Variants in SH3PXD2A observed in about 807,000 individuals in gnomAD.
The protein encoded by SH3PXD2A is SH3 and PX domains 2A.
Under a neutral mutation model 115.2 loss-of-function variants are expected in SH3PXD2A, and 32 were observed. The observed-to-expected ratio is 0.28, with a 90% confidence interval of 0.21 to 0.37. The LOEUF is 0.37. Among genes scored for constraint, SH3PXD2A ranks in the 10% least tolerant of loss-of-function variants. The probability of loss-of-function intolerance (pLI) is 1.00; values close to 1 mark genes in which losing one functional copy is unlikely to be tolerated. For missense variants in SH3PXD2A, 1,328 were observed against 1,498.7 expected (o/e 0.89, Z 1.88); for synonymous variants, 610 against 629.1 (o/e 0.97, Z 0.45).
At chr10:103,693,144 C>A (rs2037780014) in intron 5 of SH3PXD2A, 88 bp from the exon 6 acceptor site, 3 of 1,122,250 alleles carry the variant, frequency 2.7e-6, no homozygotes, top group African/African-American at 1.6e-5. Context: ...GGGCTGGCTG[C>A]GGTCGGTCCC....
intron 1 of SH3PXD2A, among the ~76,000 whole-genome samples, chr10:103,848,662 C>A (rs1188014623): frequency 1.3e-5 from 2 of 152,118 alleles, no homozygotes; most frequent in African/African-American, 4.8e-5. Flanking sequence ...TCTTGGAATG[C>A]CCTTCCCCAG....
chr10:103,718,483 G>C (rs541162764), intron 5 of SH3PXD2A, among the ~76,000 whole-genome samples: 1 of 136,496 alleles, frequency 7.3e-6, no homozygotes, highest in Non-Finnish European at 1.6e-5. Flanking sequence ...CAGGGCAAAG[G>C]GCTGGGGGCT....
intron 2 of SH3PXD2A, among the ~76,000 whole-genome samples, chr10:103,772,420 C>T (rs1309422781): frequency 2.0e-5 from 3 of 152,306 alleles, no homozygotes; most frequent in Middle Eastern, 3.4e-3. Flanking sequence ...TCTCCGGGAC[C>T]ACCTTTGCAG....
rs2036196367 is a variant in SH3PXD2A at position 103,600,248 on chromosome 10, G to C, written c.*1568C>G. 1 of 152,670 alleles carries C rather than the reference G, an allele frequency of 6.6e-6. No individual in the cohort carries two copies. 9.5% of individuals were successfully genotyped at this position (152,670 alleles called of 1,614,324 possible). A position where few individuals can be genotyped will look rare whatever the true frequency, so the allele number is the denominator to read the frequency against. ...GGGGAAGCCGGCTGGGCTTCTGGAG[G>C]GTCCCCTCTGAAATGTCAACAATTG... is the stretch of plus-strand genomic sequence containing the variant. On this transcript the variant is annotated 3_prime_UTR_variant, in exon 15 of 15. Coordinates refer to ENST00000369774, the MANE Select transcript of SH3PXD2A (RefSeq NM_001394015.1).
intron 2 of SH3PXD2A, among the ~76,000 whole-genome samples, chr10:103,770,526 C>A (rs915418878): frequency 6.6e-6 from 1 of 152,202 alleles, no homozygotes; most frequent in African/African-American, 2.4e-5. Context: ...AATCAGGACA[C>A]AGAATTTCAA....
Position 103,797,064 on chromosome 10 carries a change from G to A in SH3PXD2A, c.153+4218C>T, listed in dbSNP as rs1036148333. Among the ~76,000 whole-genome samples, 10 of 151,840 alleles carry A rather than the reference G, an allele frequency of 6.6e-5. No homozygotes were observed. In the East Asian group the frequency reaches 1.4e-3, roughly 21 times the overall value. On this transcript the variant is annotated intron_variant, in intron 2 of 14. Transcript: ENST00000369774. ...TTTTTTGTAGAGACGGGATCTTGCC[G>A]CATTGCCCAGGCTGGTCTTGAACTA... is the stretch of plus-strand genomic sequence containing the variant.
intron 2 of SH3PXD2A, among the ~76,000 whole-genome samples, chr10:103,798,914 C>A (rs775354417): frequency 2.2e-4 from 33 of 152,216 alleles, no homozygotes; most frequent in African/African-American, 7.5e-4. Flanking sequence ...AGACGCCCCC[C>A]AGCCATGCAG....
intron 5 of SH3PXD2A, among the ~76,000 whole-genome samples, chr10:103,702,617 G>GTGTGTGT (rs1554913283): frequency 6.6e-6 from 1 of 152,050 alleles, no homozygotes; most frequent in Admixed American, 6.6e-5. Flanking sequence ...GTGTGTGCAT[G>GTGTGTGT]CTGGGTGCGG....
chr10:103,615,483 G>GGT (rs57711259), intron 11 of SH3PXD2A, among the ~76,000 whole-genome samples: 2,602 of 128,478 alleles, frequency 0.02, 57 homozygotes, highest in Non-Finnish European at 0.024. Context: ...AGAGTGCGAG[G>GGT]GTGTGTGTGT....
At chr10:103,822,157 C>T (rs2039387821) in intron 1 of SH3PXD2A, among the ~76,000 whole-genome samples, 1 of 152,242 alleles carries the variant, frequency 6.6e-6, no homozygotes, top group Non-Finnish European at 1.5e-5. Flanking sequence ...TCCCGAAGTG[C>T]CGAGATTACA....
At chr10:103,638,977 A>G (rs542555774) in intron 8 of SH3PXD2A, among the ~76,000 whole-genome samples, 1 of 152,280 alleles carries the variant, frequency 6.6e-6, no homozygotes, top group African/African-American at 2.4e-5. Context: ...TGTGCCTGGC[A>G]CGGGTGGGGG....
chr10:103,811,548 A>G (rs1489743744), intron 1 of SH3PXD2A, among the ~76,000 whole-genome samples: 1 of 152,216 alleles, frequency 6.6e-6, no homozygotes, highest in Non-Finnish European at 1.5e-5. Context: ...TGTAACAAGT[A>G]ATGAAGCTCA....
chr10:103,650,656 C>A (rs2134021560), intron 8 of SH3PXD2A, among the ~76,000 whole-genome samples: 1 of 152,330 alleles, frequency 6.6e-6, no homozygotes, highest in East Asian at 1.9e-4. Context: ...CAGAAGTAGG[C>A]CTTCTGGACC....
intron 1 of SH3PXD2A, among the ~76,000 whole-genome samples, chr10:103,802,305 T>C (rs1487992983): frequency 6.6e-6 from 1 of 152,206 alleles, no homozygotes; most frequent in Non-Finnish European, 1.5e-5. Flanking sequence ...CTTTGCTATG[T>C]TGAACAAACA....
At chr10:103,767,319 A>G (rs956182980) in intron 2 of SH3PXD2A, 150 bp from the exon 3 acceptor site, 3 of 640,970 alleles carry the variant, frequency 4.7e-6, no homozygotes, top group Non-Finnish European at 8.6e-6. Context: ...ATGATTAACA[A>G]ACCACATGGG....
chr10:103,706,797 C>T (rs1350736196), intron 5 of SH3PXD2A, among the ~76,000 whole-genome samples: 1 of 151,372 alleles, frequency 6.6e-6, no homozygotes, highest in Non-Finnish European at 1.5e-5. Flanking sequence ...CTGCTCTCCC[C>T]TCCTTTCCCC....
intron 2 of SH3PXD2A, among the ~76,000 whole-genome samples, chr10:103,789,172 G>A (rs2039009325): frequency 3.0e-5 from 1 of 33,538 alleles, no homozygotes; most frequent in African/African-American, 8.8e-5. Flanking sequence ...GTCAGTGGGG[G>A]AGGATGGGGG....
chr10:103,738,978 G>C (rs79302591), intron 3 of SH3PXD2A, among the ~76,000 whole-genome samples: 4,699 of 136,166 alleles, frequency 0.035, 228 homozygotes, highest in African/African-American at 0.13. Context: ...ATTTTTAGTA[G>C]AGTGGGGTTT....
chr10:103,674,163 C>A (rs974538977), intron 6 of SH3PXD2A, among the ~76,000 whole-genome samples: 2 of 152,216 alleles, frequency 1.3e-5, no homozygotes, highest in African/African-American at 4.8e-5. Flanking sequence ...CGTTTCTTTT[C>A]CTTTCTGGTT....
Sources: gnomAD v4.1 joint callset for allele counts (sites outside exome capture counted in the v4.1 genomes callset) on GRCh38, gnomAD v4.1.1 for gene constraint, MANE v1.5 for transcripts, NCBI Gene and HGNC (gene_info 2026-07-23, HGNC 2026-07-21) for gene names.